MAU2: variants seen among roughly 807,000 people sequenced by gnomAD.
MAU2 encodes MAU2 sister chromatid cohesion factor.
A neutral mutation model predicts 89.1 loss-of-function variants in MAU2; 9 were observed. That is an observed-to-expected ratio of 0.10 (90% CI 0.06 to 0.18). MAU2 has a LOEUF of 0.18. MAU2 is among the 10% of genes least tolerant of loss of function. The pLI is 1.00. For synonymous variants in MAU2, 357 were observed against 343.4 expected (o/e 1.04, Z -0.44); for missense variants, 425 against 803.5 (o/e 0.53, Z 5.69).
At chr19:19,342,907 C>T (rs1006277160) in intron 9 of MAU2, 41 bp downstream of exon 9, 40 of 1,605,226 alleles carry the variant, frequency 2.5e-5, no homozygotes, top group Non-Finnish European at 3.3e-5. Flanking sequence ...CACAGCGACC[C>T]CTGGCGGACG....
At chr19:19,323,040 G>A (rs1039567423) in intron 1 of MAU2, among the ~76,000 whole-genome samples, 13 of 142,432 alleles carry the variant, frequency 9.1e-5, no homozygotes, top group Non-Finnish European at 1.5e-4. Context: ...ACAGGTGTGC[G>A]CCACCACACC....
At chr19:19,355,027 G>T (rs1196973605) in intron 17 of MAU2, 1 of 483,948 alleles carries the variant, frequency 2.1e-6, no homozygotes, top group Admixed American at 3.3e-5. Context: ...CTGGAGGGCT[G>T]GCGAGAAGCC....
intron 17 of MAU2, chr19:19,354,710 T>C: frequency 2.0e-6 from 1 of 511,300 alleles, no homozygotes; most frequent in Non-Finnish European, 3.6e-6. Context: ...CTTGGGCTGT[T>C]AGCCGTGGCG....
chr19:19,354,137 G>A (rs1599929542), intron 16 of MAU2: 4 of 590,132 alleles, frequency 6.8e-6, no homozygotes, highest in East Asian at 5.8e-5. Flanking sequence ...GAGGGCATGA[G>A]CCAGAAGTGA....
chr19:19,342,410 G>T, intron 7 of MAU2, 125 bp from the exon 8 acceptor site: 1 of 1,234,324 alleles, frequency 8.1e-7, no homozygotes, highest in Non-Finnish European at 1.1e-6. Flanking sequence ...TCATCTTGCA[G>T]GAGGTGGCCC....
chr19:19,342,497 C>G, intron 7 of MAU2, 38 bp from the exon 8 acceptor site: 1 of 1,516,822 alleles, frequency 6.6e-7, no homozygotes, highest in East Asian at 2.3e-5. Flanking sequence ...CCTGAGAGGC[C>G]AGGCTCAGGT....
intron 16 of MAU2, chr19:19,354,056 C>T (rs1004316726): frequency 8.9e-6 from 4 of 448,894 alleles, no homozygotes; most frequent in Non-Finnish European, 1.7e-5. Context: ...CTAGGGCTAA[C>T]GGCCATCAGT....
At position 19,345,131 on chromosome 19, in the gene MAU2, C is replaced by A; in HGVS notation, c.1156-173C>A. On this transcript the variant is annotated intron_variant, in intron 11 of 18. Transcript: ENST00000262815. This position sits in a 1 kb window ranked among gnomAD's most constrained non-coding sequence, Gnocchi z 4.9. ...AGCATCTTGTCCCACCCCACATTGG[C>A]TTGGGTCTGAAAGGTGGGGACAGTG... The A allele has an allele frequency of 1.4e-6, 1 of 726,350 alleles. No individual in the cohort carries two copies. Among genetic ancestry groups the A allele is most frequent in the Non-Finnish European group, 2.4e-6 (1 of 425,222 alleles). 45.0% of individuals were successfully genotyped at this position (726,350 alleles called of 1,614,324 possible). A position where few individuals can be genotyped will look rare whatever the true frequency, so the allele number is the denominator to read the frequency against.
At chr19:19,341,502 C>A in intron 7 of MAU2, 95 bp downstream of exon 7, 1 of 1,450,032 alleles carries the variant, frequency 6.9e-7, no homozygotes, top group East Asian at 2.4e-5. Flanking sequence ...TCAGCTGTGT[C>A]ATCGCCTTAC....
chr19:19,327,571 C>T (rs557301888), intron 1 of MAU2, among the ~76,000 whole-genome samples: 22 of 151,818 alleles, frequency 1.4e-4, no homozygotes, highest in African/African-American at 4.1e-4. Flanking sequence ...ATGATCCACC[C>T]GCCTCGACCT....
intron 1 of MAU2, among the ~76,000 whole-genome samples, chr19:19,328,567 G>A (rs1292186577): frequency 6.6e-6 from 1 of 151,824 alleles, no homozygotes; most frequent in Non-Finnish European, 1.5e-5. Flanking sequence ...GACTGCAGGC[G>A]CCCACCACCA....
intron 3 of MAU2, among the ~76,000 whole-genome samples, chr19:19,336,484 A>G (rs1401472197): frequency 6.6e-6 from 1 of 151,914 alleles, no homozygotes. Flanking sequence ...TATTTGTTCT[A>G]GAGATGATCT....
rs112363914 is a variant in MAU2 at position 19,328,092 on chromosome 19, C to G, written c.276+6957C>G. Among the ~76,000 whole-genome samples the G allele has an allele frequency of 7.2e-3, 1,074 of 148,894 alleles. 9 individuals carry two copies. The highest frequency in any genetic ancestry group is 8.9e-3 in the Non-Finnish European group (604 of 67,648). ...TGAGGATCACTTGAGCCCAGGAGGT[C>G]GAGGCATCAGTGAGCCGTGTTCCTG... On this transcript the variant is annotated intron_variant, in intron 1 of 18. Coordinates refer to ENST00000262815, the MANE Select transcript of MAU2 (RefSeq NM_015329.4).
intron 1 of MAU2, among the ~76,000 whole-genome samples, chr19:19,327,224 C>CTA (rs910046844): frequency 6.6e-6 from 1 of 151,176 alleles, no homozygotes; most frequent in South Asian, 2.1e-4. Context: ...CAGGTTCAGA[C>CTA]TATTCTCCTG....
chr19:19,352,395 G>A (rs1347310373), intron 16 of MAU2: 1 of 152,214 alleles, frequency 6.6e-6, no homozygotes, highest in Non-Finnish European at 1.5e-5. Context: ...ATAACTGTGT[G>A]GTAAGCCTTT....
intron 1 of MAU2, among the ~76,000 whole-genome samples, chr19:19,323,232 G>A (rs562709554): frequency 7.9e-6 from 1 of 127,012 alleles, no homozygotes; most frequent in East Asian, 2.5e-4. Flanking sequence ...TTCTCGCTTT[G>A]TCACCAGGCT....
In MAU2 at chr19:19,355,914, C is replaced by T. The variant is rs1394654776; in HGVS notation, c.*132C>T. On this transcript the variant is annotated 3_prime_UTR_variant, in exon 19 of 19. Transcript: ENST00000262815. ...AGAGCTTCCAAGTCCTGGGAATGTG[C>T]GGGGCCAGTCCCTGCCCTCCCAGGA... 9 of 893,826 alleles carry T rather than the reference C, an allele frequency of 1.0e-5. No individual in the cohort carries two copies. Among genetic ancestry groups the T allele is most frequent in the East Asian group, 2.6e-5 (1 of 39,170 alleles). 55.4% of individuals were successfully genotyped at this position (893,826 alleles called of 1,614,324 possible). A position where few individuals can be genotyped will look rare whatever the true frequency, so the allele number is the denominator to read the frequency against.
intron 1 of MAU2, 149 bp from the exon 2 acceptor site, chr19:19,335,569 C>T: frequency 1.4e-6 from 1 of 730,214 alleles, no homozygotes; most frequent in Non-Finnish European, 2.4e-6. Context: ...AGTAAGCCTA[C>T]CCTCTCAGGC....
intron 4 of MAU2, among the ~76,000 whole-genome samples, chr19:19,338,335 G>A (rs1414875630): frequency 6.6e-6 from 1 of 151,764 alleles, no homozygotes; most frequent in Admixed American, 6.6e-5. Context: ...CAGGCACCAT[G>A]TGCACGCACA....
Sources: gnomAD v4.1 joint callset for allele counts (sites outside exome capture counted in the v4.1 genomes callset) on GRCh38, gnomAD v4.1.1 for gene constraint, Gnocchi (gnomAD v3.1) non-coding constraint, MANE v1.5 for transcripts, NCBI Gene and HGNC (gene_info 2026-07-23, HGNC 2026-07-21) for gene names.